The following SCN8A variants were observed in gnomAD, a reference collection of about 807,000 sequenced individuals.
SCN8A encodes sodium voltage-gated channel alpha subunit 8, also known as sodium channel protein type 8 subunit alpha.
A neutral mutation model predicts 184.1 loss-of-function variants in SCN8A; 30 were observed. The observed-to-expected ratio is 0.16, with a 90% CI of 0.12 to 0.22. The LOEUF is 0.22. Among genes scored for constraint, SCN8A ranks in the 10% least tolerant of loss-of-function variants. The probability of loss-of-function intolerance (pLI) is 1.00; values close to 1 mark genes in which losing one functional copy is unlikely to be tolerated. For synonymous variants in SCN8A, 852 were observed against 907.0 expected, an observed-to-expected ratio of 0.94 and a Z score of 1.09; for missense variants, 1,057 against 2,498.9, an observed-to-expected ratio of 0.42 and a Z score of 12.30.
chr12:51,658,354 T>TA (rs1940862956), intron 1 of SCN8A, among the ~76,000 whole-genome samples: 1 of 152,168 alleles, frequency 6.6e-6, no homozygotes, highest in African/African-American at 2.4e-5. Flanking sequence ...TCCTAGGTCT[T>TA]ACTATTTTTT....
chr12:51,613,290 A>G (rs930459666), intron 1 of SCN8A, among the ~76,000 whole-genome samples: 1 of 152,188 alleles, frequency 6.6e-6, no homozygotes, highest in Non-Finnish European at 1.5e-5. Flanking sequence ...TCTCTAATAG[A>G]TATAGAACAA....
intron 21 of SCN8A, among the ~76,000 whole-genome samples, chr12:51,781,701 AG>A (rs1937929006): frequency 7.6e-6 from 1 of 132,010 alleles, no homozygotes; most frequent in East Asian, 2.2e-4. Flanking sequence ...TTAAAATCAA[AG>A]GGGCAACTGG....
At chr12:51,750,288 T>A (rs303779) in intron 13 of SCN8A, among the ~76,000 whole-genome samples, 1 of 151,968 alleles carries the variant, frequency 6.6e-6, no homozygotes, top group African/African-American at 2.4e-5. Context: ...GAGATCTTGT[T>A]TGACAATAAC....
At chr12:51,672,754 A>C (rs1941154855) in intron 2 of SCN8A, among the ~76,000 whole-genome samples, 1 of 152,234 alleles carries the variant, frequency 6.6e-6, no homozygotes, top group Admixed American at 6.5e-5. Context: ...TGATGGCACC[A>C]GCAAAATTCT....
chr12:51,642,779 A>G (rs1354110631), intron 1 of SCN8A, among the ~76,000 whole-genome samples: 1 of 151,284 alleles, frequency 6.6e-6, no homozygotes, highest in African/African-American at 2.4e-5. Flanking sequence ...GCACCACTAC[A>G]GCTACTTGGG....
chr12:51,662,966 A>T lies in SCN8A; in HGVS notation c.149A>T (p.Asp50Val). Residue 50 changes from aspartate to valine, a missense_variant, in exon 2 of 27, where the codon GAC (aspartate) becomes GTC (valine). Asp to Val is a radical substitution (Grantham distance 152). Around this residue, in one of 19 missense-constraint regions of SCN8A, gnomAD observed 45 missense variants for 71.3 expected, o/e 0.63. Transcript: ENST00000627620. ...GGCAGTCATCGGGAGGACGATGAGG[A>T]CAGCAAGCCCAAGCCAAACAGCGAC... ...ADGSHREDDE[D>V]SKPKPNSDLE... 2 of 1,614,072 alleles carry T rather than the reference A, an allele frequency of 1.2e-6. No individual in the cohort carries two copies. The highest frequency in any genetic ancestry group is 1.7e-6 in the Non-Finnish European group (2 of 1,179,904).
At chr12:51,787,793 A>G (rs1938127455) in intron 22 of SCN8A, among the ~76,000 whole-genome samples, 1 of 152,222 alleles carries the variant, frequency 6.6e-6, no homozygotes. Context: ...CTGTCAACTC[A>G]TAGTAGAAGG....
chr12:51,675,215 G>A (rs1941202947), intron 2 of SCN8A, among the ~76,000 whole-genome samples: 1 of 152,234 alleles, frequency 6.6e-6, no homozygotes, highest in Non-Finnish European at 1.5e-5. Flanking sequence ...AAGCAGCATT[G>A]TGCTGGCTCA....
At chr12:51,679,641 G>A (rs1370306199) in intron 2 of SCN8A, among the ~76,000 whole-genome samples, 2 of 151,460 alleles carry the variant, frequency 1.3e-5, no homozygotes, top group Non-Finnish European at 2.9e-5. Flanking sequence ...TCTCTTTCTC[G>A]TGTAACTACT....
At chr12:51,603,819 T>A (rs896290871) in intron 1 of SCN8A, among the ~76,000 whole-genome samples, 22 of 152,332 alleles carry the variant, frequency 1.4e-4, no homozygotes, top group African/African-American at 5.1e-4. Flanking sequence ...TGGCTAATGA[T>A]GTCTAATATC....
At chr12:51,712,178 C>T (rs780858738) in intron 11 of SCN8A, among the ~76,000 whole-genome samples, 3 of 152,166 alleles carry the variant, frequency 2.0e-5, no homozygotes, top group Non-Finnish European at 4.4e-5. Flanking sequence ...AAAGACAAGG[C>T]TACAACAGAT....
chr12:51,760,530 G>A (rs1000893229), intron 14 of SCN8A, among the ~76,000 whole-genome samples: 1 of 152,184 alleles, frequency 6.6e-6, no homozygotes, highest in Non-Finnish European at 1.5e-5. Flanking sequence ...AGCACTTCCT[G>A]TGTGTTTACC....
intron 21 of SCN8A, among the ~76,000 whole-genome samples, chr12:51,782,057 C>T (rs148640343): frequency 5.6e-4 from 86 of 152,292 alleles, no homozygotes; most frequent in African/African-American, 1.9e-3. Flanking sequence ...TTTATCCAGA[C>T]AAATGCTTTT....
intron 1 of SCN8A, among the ~76,000 whole-genome samples, chr12:51,601,327 G>C (rs1939458174): frequency 6.6e-6 from 1 of 152,028 alleles, no homozygotes; most frequent in African/African-American, 2.4e-5. Context: ...TGCAGGAGAG[G>C]GTTGTGTAAA....
intron 21 of SCN8A, among the ~76,000 whole-genome samples, chr12:51,785,494 A>G (rs1329576463): frequency 2.0e-5 from 3 of 152,366 alleles, no homozygotes; most frequent in Non-Finnish European, 4.4e-5. Context: ...TAGAACAGGT[A>G]GCTCTGATCA....
chr12:51,702,009 T>C (rs1009314414), intron 8 of SCN8A, among the ~76,000 whole-genome samples: 1 of 151,842 alleles, frequency 6.6e-6, no homozygotes, highest in African/African-American at 2.4e-5. Context: ...TCACAGTGAG[T>C]GTAAAGAAAA....
At chr12:51,665,740 T>C (rs1410480491) in intron 2 of SCN8A, among the ~76,000 whole-genome samples, 1 of 152,144 alleles carries the variant, frequency 6.6e-6, no homozygotes, top group African/African-American at 2.4e-5. Context: ...TAATACATGC[T>C]TTATGTAGCA....
intron 7 of SCN8A, 63 bp downstream of exon 7, chr12:51,699,854 A>T (rs2138736172): frequency 7.0e-7 from 1 of 1,422,848 alleles, no homozygotes; most frequent in East Asian, 2.4e-5. Context: ...CATGGTCAGA[A>T]GCTACCACAG....
At chr12:51,801,138 A>T (rs1592171223) in intron 26 of SCN8A, among the ~76,000 whole-genome samples, 1 of 152,212 alleles carries the variant, frequency 6.6e-6, no homozygotes, top group East Asian at 1.9e-4. Flanking sequence ...CCAATGCCAG[A>T]GCTCTACACT....
Sources: gnomAD v4.1 joint callset for allele counts (sites outside exome capture counted in the v4.1 genomes callset) on GRCh38, gnomAD v4.1.1 for gene constraint, gnomAD v4.1.1 regional missense constraint, MANE v1.5 for transcripts, NCBI Gene and HGNC (gene_info 2026-07-23, HGNC 2026-07-21) for gene names.